Variants in CHTF18 observed in about 807,000 individuals in gnomAD.
CHTF18 encodes chromosome transmission fidelity protein 18 homolog.
CHTF18 carries 151 observed loss-of-function variants against 113.4 expected under a neutral mutation model. The observed-to-expected ratio is 1.33, with a 90% confidence interval of 1.17 to 1.52. The LOEUF (loss-of-function observed/expected upper bound fraction) is 1.52, where lower values mean the gene tolerates loss of function less well. CHTF18 is among the 40% of genes most tolerant of loss of function. The pLI, the probability that CHTF18 is intolerant of heterozygous loss-of-function variation, is 0.00. For missense variants in CHTF18, 1,982 were observed against 1,381.6 expected, an observed-to-expected ratio of 1.43 and a Z score of -6.89; for synonymous variants, 916 against 598.8, an observed-to-expected ratio of 1.53 and a Z score of -7.74.
chr16:791,458 G>A, intron 8 of CHTF18, 88 bp downstream of exon 8: 2 of 1,474,620 alleles, frequency 1.4e-6, no homozygotes, highest in Non-Finnish European at 1.8e-6. Flanking sequence ...CTTTCTCCAG[G>A]AGCCGTGGGT....
intron 1 of CHTF18, 49 bp downstream of exon 1, chr16:788,824 A>C: frequency 3.2e-6 from 5 of 1,555,976 alleles, no homozygotes; most frequent in Non-Finnish European, 4.3e-6. Flanking sequence ...AAGCCGGGAC[A>C]GTGGCGACCT....
Position 789,583 on chromosome 16 carries a change from G to T in CHTF18, c.474G>T (p.Arg158=). 6.2e-7 allele frequency: 1 copy of T among 1,604,222 alleles called. No individual in the cohort carries two copies. ...CTGCTGCCGACGTGGGTCTCACACG[G>T]GCCTCACCAGCTGCCCGCAATCCCG... ...SEAAADVGLT[R]ASPAARNPVL... Residue 158 remains arginine, a synonymous_variant, in exon 4 of 22, where the codon CGG becomes CGT. Transcript: ENST00000262315.
chr16:795,417 G>A (rs1488427664), intron 16 of CHTF18, 61 bp downstream of exon 16: 8 of 1,247,494 alleles, frequency 6.4e-6, no homozygotes, highest in East Asian at 2.9e-5. Flanking sequence ...TGTGCTGCCC[G>A]TGTGGCTGCC....
chr16:790,902 C>G, intron 7 of CHTF18: 1 of 1,432,512 alleles, frequency 7.0e-7, no homozygotes, highest in Admixed American at 2.9e-5. Context: ...AGTCTCTGTT[C>G]CCTTTCCTAC....
chr16:791,990 G>A, intron 9 of CHTF18, 42 bp downstream of exon 9: 1 of 1,571,850 alleles, frequency 6.4e-7, no homozygotes. Flanking sequence ...CTTCTGTCCT[G>A]ACGTGTTTGA....
chr16:795,008 C>T (rs566082675), intron 15 of CHTF18, 124 bp from the exon 16 acceptor site: 3 of 761,666 alleles, frequency 3.9e-6, no homozygotes, highest in South Asian at 3.5e-5. Flanking sequence ...TGTGGAGGGT[C>T]TGCGAAGCCT....
intron 15 of CHTF18, 52 bp from the exon 16 acceptor site, chr16:795,080 G>C: frequency 7.0e-7 from 1 of 1,422,240 alleles, no homozygotes; most frequent in Non-Finnish European, 9.5e-7. Flanking sequence ...GTCCGTGGTG[G>C]TGCACCTTCC....
In CHTF18 at chr16:788,634, G is replaced by T. The variant is rs1386804815; in HGVS notation, c.-51G>T. On this transcript the variant is annotated 5_prime_UTR_variant, in exon 1 of 22. Transcript: ENST00000262315. ...ACGCTCGGGGCGGGCAGTGCGCGAC[G>T]GCGGCGGCGGCGCGGGAGGTTCGGA... is the stretch of plus-strand genomic sequence containing the variant. 2.2e-6 allele frequency: 3 copies of T among 1,380,126 alleles called. No homozygotes were observed. Among genetic ancestry groups the T allele is most frequent in the African/African-American group, 1.5e-5 (1 of 66,216 alleles). The allele number at this position is 1,380,126 out of a possible 1,614,324, so 85.5% of individuals were successfully genotyped here.
Position 791,145 on chromosome 16 carries a change from C to A in CHTF18, c.895-16C>A. 1 of 1,602,958 alleles carries A rather than the reference C, an allele frequency of 6.2e-7. No homozygotes were observed. Among genetic ancestry groups the A allele is most frequent in the Non-Finnish European group, 8.5e-7 (1 of 1,175,770 alleles). ...GGTGCCCTCAGGCTGTGCTTCCCTT[C>A]CCGTCCTTCCCGCAGTTCACCAACC... On this transcript the variant is annotated splice_polypyrimidine_tract_variant and intron_variant, in intron 7 of 21. Transcript: ENST00000262315.
chr16:793,337 C>T, intron 14 of CHTF18, 63 bp downstream of exon 14: 1 of 1,573,524 alleles, frequency 6.4e-7, no homozygotes, highest in East Asian at 2.3e-5. Flanking sequence ...GACGCTAGCC[C>T]TGTGTGCAGG....
chr16:790,252 A>G lies in CHTF18; in HGVS notation c.682A>G (p.Lys228Glu). The change falls in exon 5 of 22, where the codon AAG (lysine) becomes GAG (glutamate). Residue 228 changes from lysine to glutamate, a missense_variant. Physicochemically the swap from Lys to Glu is moderately conservative, Grantham distance 56 (BLOSUM62 1). Coordinates refer to ENST00000262315, the MANE Select transcript of CHTF18 (RefSeq NM_022092.3). ...LLGVSLASLKKQVDGERRERL... is the reference protein window; with the variant it reads ...LLGVSLASLKEQVDGERRERL... Reference sequence around the variant, plus strand: ...GGGTGTGTCCTTAGCCTCCCTGAAGAAGCAGGTCGACGGCGAGGTAGGGGC... The same window carrying G: ...GGGTGTGTCCTTAGCCTCCCTGAAGGAGCAGGTCGACGGCGAGGTAGGGGC... 2 of 1,607,038 alleles carry G rather than the reference A, an allele frequency of 1.2e-6. No individual in the cohort carries two copies. Among genetic ancestry groups the G allele is most frequent in the Non-Finnish European group, 1.7e-6 (2 of 1,177,702 alleles).
rs1462970046 is a variant in CHTF18, at chr16:791,922, G to T, written c.1176G>T (p.Gly392=). Reference sequence around the variant, plus strand: ...CACACGTGATTGCGCGTCACGCGGGGTACTCTGTGGTGGAGATGAACGCCA... The same window carrying T: ...CACACGTGATTGCGCGTCACGCGGGTTACTCTGTGGTGGAGATGAACGCCA... ...TLAHVIARHA[G]YSVVEMNASD... Residue 392 remains glycine, a synonymous_variant, in exon 9 of 22, where the codon GGG becomes GGT. Transcript: ENST00000262315. The T allele has an allele frequency of 6.2e-7, 1 of 1,609,580 alleles. No individual in the cohort carries two copies. Among genetic ancestry groups the T allele is most frequent in the Non-Finnish European group, 8.5e-7 (1 of 1,178,624 alleles).
chr16:793,971 G>T, intron 14 of CHTF18, 83 bp from the exon 15 acceptor site: 1 of 1,477,958 alleles, frequency 6.8e-7, no homozygotes, highest in Non-Finnish European at 9.2e-7. Flanking sequence ...GCTCTGATGG[G>T]GCCTCTGAGT....
At position 796,699 on chromosome 16, in the gene CHTF18, T is replaced by C; in HGVS notation, c.2457-18T>C. 6.3e-7 allele frequency: 1 copy of C among 1,578,564 alleles called. No individual in the cohort carries two copies. The highest frequency in any genetic ancestry group is 8.6e-7 in the Non-Finnish European group (1 of 1,167,722). ...CTGGCCCCGCTGACCTGCCCTGGTG[T>C]CCCCCTGTGCTGAGCAGGAACGTGG... is the stretch of plus-strand genomic sequence containing the variant. On this transcript the variant is annotated intron_variant, in intron 18 of 21. Coordinates refer to ENST00000262315, the MANE Select transcript of CHTF18 (RefSeq NM_022092.3).
rs776542587 is a variant in CHTF18, at chr16:791,361, G to A, written c.1095G>A (p.Pro365=). The change falls in exon 8 of 22, where the codon CCG becomes CCA. Residue 365 remains proline (P), a synonymous_variant. Coordinates refer to ENST00000262315, the MANE Select transcript of CHTF18 (RefSeq NM_022092.3). ...LEAGLDPSQR[P]KQKVALLCGP... is the part of the protein sequence containing the mutation. ...CTGGGCTGGACCCGAGCCAGCGACC[G>A]AAGCAGAAGGTGAGCCCCGCTGGCT... 18 of 1,601,846 alleles carry A rather than the reference G, an allele frequency of 1.1e-5. No homozygotes were observed. The highest frequency in any genetic ancestry group is 6.7e-5 in the African/African-American group (5 of 74,842).
chr16:790,767 G>C (rs748907537), intron 7 of CHTF18, 101 bp downstream of exon 7: 31 of 1,441,516 alleles, frequency 2.2e-5, no homozygotes, highest in Non-Finnish European at 2.8e-5. Context: ...ACTGGGCCTC[G>C]GAGACGGAGT....
chr16:791,723 A>G, intron 8 of CHTF18, 128 bp from the exon 9 acceptor site: 4 of 1,446,314 alleles, frequency 2.8e-6, no homozygotes, highest in Admixed American at 5.8e-5. Context: ...TTTTGTTCTT[A>G]TTTGATGGCT....
At chr16:793,835 C>A in intron 14 of CHTF18, 1 of 636,860 alleles carries the variant, frequency 1.6e-6, no homozygotes, top group Non-Finnish European at 2.8e-6. Context: ...GGGCAGGGCT[C>A]CTCTCAGAGT....
At chr16:797,551 A>T in intron 20 of CHTF18, 143 bp from the exon 21 acceptor site, 1 of 775,288 alleles carries the variant, frequency 1.3e-6, no homozygotes, top group Non-Finnish European at 2.1e-6. Flanking sequence ...GGTGAGGGGC[A>T]GCTGGCCTGG....
Sources: gnomAD v4.1 joint callset for allele counts on GRCh38, gnomAD v4.1.1 for gene constraint, MANE v1.5 for transcripts, NCBI Gene and HGNC (gene_info 2026-07-23, HGNC 2026-07-21) for gene names.